The following DPEP1 variants were observed in gnomAD, a reference collection of about 807,000 sequenced individuals.
DPEP1 encodes dipeptidase 1.
Under a neutral mutation model 42.3 loss-of-function variants are expected in DPEP1, and 50 were observed. That is an observed-to-expected ratio of 1.18 (90% CI 0.94 to 1.50). DPEP1 has a LOEUF of 1.50. DPEP1 is among the 40% of genes most tolerant of loss of function. The pLI, the probability that DPEP1 is intolerant of heterozygous loss-of-function variation, is 0.00. For missense variants in DPEP1, 663 were observed against 553.0 expected (o/e 1.20, Z -1.99); for synonymous variants, 297 against 234.0 (o/e 1.27, Z -2.46).
Position 89,630,342 on chromosome 16 carries a change from G to C in DPEP1, c.-69G>C, listed in dbSNP as rs945663324. ...CTCACAGCCTGAAGCTCATCCTTCT[G>C]CACGGGCCAGCCAGGCCAGCACAGA... is the stretch of plus-strand genomic sequence containing the variant. On this transcript the variant is annotated 5_prime_UTR_variant, in exon 2 of 11. Coordinates refer to ENST00000690203, the MANE Select transcript of DPEP1 (RefSeq NM_001389466.1). 77 of 1,349,090 alleles carry C rather than the reference G, an allele frequency of 5.7e-5. 1 individual carries two copies. The Middle Eastern group carries it at 4.0e-3, about 71-fold the overall frequency. The allele number at this position is 1,349,090 out of a possible 1,614,324, so 83.6% of individuals were successfully genotyped here.
chr16:89,628,927 A>G (rs1218556327), intron 1 of DPEP1, among the ~76,000 whole-genome samples: 1 of 151,614 alleles, frequency 6.6e-6, no homozygotes, highest in Non-Finnish European at 1.5e-5. Flanking sequence ...CCCGGGTTCA[A>G]GTGATTCTCC....
intron 1 of DPEP1, among the ~76,000 whole-genome samples, chr16:89,614,765 A>C (rs1402276090): frequency 6.6e-6 from 1 of 152,242 alleles, no homozygotes; most frequent in Non-Finnish European, 1.5e-5. Flanking sequence ...ACTGCACTCC[A>C]GCCTGAGTGA....
chr16:89,614,608 C>A (rs960810007), intron 1 of DPEP1, among the ~76,000 whole-genome samples: 12 of 152,072 alleles, frequency 7.9e-5, no homozygotes, highest in Non-Finnish European at 1.5e-4. Context: ...TCCTGGCTAA[C>A]ACGGTGAAAC....
chr16:89,638,073 C>G lies in DPEP1; in HGVS notation c.1087C>G (p.Pro363Ala). ...VEQASNLTQA[P>A]EEEPIPLDQL... The stretch of plus-strand genomic sequence containing the variant: ...CCAGGCCAGCAACCTCACACAGGCT[C>G]CCGAGGAGGAGCCCATCCCGCTGGA... Residue 363 changes from proline (P) to alanine (A), a missense_variant, in exon 11 of 11, where the codon CCC becomes GCC. Physicochemically the swap from Pro to Ala is conservative, Grantham distance 27 (BLOSUM62 -1). Coordinates refer to ENST00000690203, the MANE Select transcript of DPEP1 (RefSeq NM_001389466.1). 1 of 1,612,270 alleles carries G rather than the reference C, an allele frequency of 6.2e-7. No individual in the cohort carries two copies. The highest frequency in any genetic ancestry group is 2.2e-5 in the East Asian group (1 of 44,878).
Position 89,637,666 on chromosome 16 carries a change from C to T in DPEP1, c.888C>T (p.Ala296=). 6.2e-7 allele frequency: 1 copy of T among 1,613,050 alleles called. No individual in the cohort carries two copies. The change falls in exon 9 of 11, where the codon GCC becomes GCT. Residue 296 remains alanine, a synonymous_variant. Coordinates refer to ENST00000690203, the MANE Select transcript of DPEP1 (RefSeq NM_001389466.1). ...HLDHIKEVAG[A]RAVGFGGDFD... ...ATCACATCAAGGAGGTGGCAGGAGC[C>T]AGAGCCGTGGGTTTTGGTGGGGACT...
At chr16:89,636,456 G>A in intron 4 of DPEP1, 60 bp downstream of exon 4, 3 of 1,596,040 alleles carry the variant, frequency 1.9e-6, no homozygotes, top group South Asian at 2.3e-5. Context: ...CTCATCCTGA[G>A]CAGCAGGTGC....
At chr16:89,625,394 C>T (rs2059496811) in intron 1 of DPEP1, among the ~76,000 whole-genome samples, 1 of 152,188 alleles carries the variant, frequency 6.6e-6, no homozygotes, top group Non-Finnish European at 1.5e-5. Context: ...TCATTACCTC[C>T]AGAACTGCAC....
At position 89,618,940 on chromosome 16, in the gene DPEP1, G is replaced by GC. The variant is rs1322049726; in HGVS notation, c.-107+5227dup. 1.9e-3 allele frequency among the ~76,000 whole-genome samples: 74 copies of GC among 38,336 alleles called. 7 individuals are homozygous for GC. In the East Asian group the frequency reaches 0.026, roughly 14 times the overall value. The allele number at this position is 38,336 out of a possible 152,430, so 25.1% of individuals were successfully genotyped here. On this transcript the variant is annotated intron_variant, in intron 1 of 10. Coordinates refer to ENST00000690203, the MANE Select transcript of DPEP1 (RefSeq NM_001389466.1). ...CCCTGCTCCCTCCCTGCAGCTCCCT[G>GC]CCCCCCTGCTCCCCTCCCTGCAGCC...
At chr16:89,618,978 C>CT (rs1224828710) in intron 1 of DPEP1, among the ~76,000 whole-genome samples, 3 of 18,932 alleles carry the variant, frequency 1.6e-4, no homozygotes, top group Admixed American at 5.8e-4. Context: ...CCTGCCCCCC[C>CT]GCTCCCCTCC....
At chr16:89,613,797 C>G (rs903695024) in intron 1 of DPEP1, 78 bp downstream of exon 1, 2 of 159,014 alleles carry the variant, frequency 1.3e-5, no homozygotes, top group Admixed American at 6.5e-5. Context: ...GACCCCAGGG[C>G]ACCACTGTGG....
At chr16:89,618,600 C>G (rs907849327) in intron 1 of DPEP1, among the ~76,000 whole-genome samples, 1 of 152,018 alleles carries the variant, frequency 6.6e-6, no homozygotes, top group African/African-American at 2.4e-5. Context: ...AGCTCCGAGG[C>G]TCAACAACCT....
chr16:89,636,183 G>C, intron 3 of DPEP1, 81 bp from the exon 4 acceptor site: 2 of 1,556,622 alleles, frequency 1.3e-6, no homozygotes, highest in Non-Finnish European at 1.7e-6. Flanking sequence ...CCAGCGGGTG[G>C]GAAACCAGAC....
In DPEP1 at chr16:89,637,945, C is replaced by T; in HGVS notation, c.1039C>T (p.Leu347=). 6.2e-7 allele frequency: 1 copy of T among 1,610,364 alleles called. No homozygotes were observed. The highest frequency in any genetic ancestry group is 2.2e-5 in the East Asian group (1 of 44,762). ...CAAGGGCGCACTGGCTGACAACCTG[C>T]TGAGGGTCTTCGAGGCTGTGGAACA... ...EVKGALADNL[L]RVFEAVEQAS... The change falls in exon 10 of 11, where the codon CTG becomes TTG. Residue 347 remains leucine (L), a synonymous_variant. Transcript: ENST00000690203.
chr16:89,629,912 A>G (rs1297383300), intron 1 of DPEP1, among the ~76,000 whole-genome samples: 1 of 152,142 alleles, frequency 6.6e-6, no homozygotes, highest in Non-Finnish European at 1.5e-5. Flanking sequence ...ACGTAAGATG[A>G]TTTTTACGTG....
At chr16:89,631,712 C>T (rs2059591315) in intron 2 of DPEP1, among the ~76,000 whole-genome samples, 1 of 152,104 alleles carries the variant, frequency 6.6e-6, no homozygotes, top group Non-Finnish European at 1.5e-5. Flanking sequence ...AAAAAATTAG[C>T]CAGGCATGGT....
chr16:89,637,976 G>C lies in DPEP1; in HGVS notation c.1065+5G>C. ...GTCTTCGAGGCTGTGGAACAGGTGA[G>C]GATGGGGTGGCCACCTGAGTCTCCC... On this transcript the variant is annotated splice_donor_5th_base_variant and intron_variant, in intron 10 of 10. Transcript: ENST00000690203. 6.2e-7 allele frequency: 1 copy of C among 1,607,684 alleles called. No individual in the cohort carries two copies. The highest frequency in any genetic ancestry group is 8.5e-7 in the Non-Finnish European group (1 of 1,177,790).
intron 1 of DPEP1, among the ~76,000 whole-genome samples, chr16:89,624,095 AAGAC>A (rs1209167375): frequency 1.3e-5 from 2 of 152,038 alleles, no homozygotes; most frequent in East Asian, 1.9e-4. Context: ...GGGCAGAATA[AAGAC>A]AGACAGGAGG....
chr16:89,623,961 C>T (rs1474999458), intron 1 of DPEP1, among the ~76,000 whole-genome samples: 1 of 152,142 alleles, frequency 6.6e-6, no homozygotes, highest in East Asian at 1.9e-4. Flanking sequence ...CTGGAGGGAA[C>T]AGCGGTTGCC....
chr16:89,637,039 C>G, intron 6 of DPEP1, 104 bp downstream of exon 6: 2 of 1,541,564 alleles, frequency 1.3e-6, no homozygotes, highest in East Asian at 2.3e-5. Flanking sequence ...GTGTCCTTGT[C>G]TGTAAAATGG....
Sources: allele counts gnomAD v4.1 joint callset (sites outside exome capture counted in the v4.1 genomes callset), GRCh38; gene constraint gnomAD v4.1.1; transcripts MANE v1.5; gene names NCBI Gene and HGNC (gene_info 2026-07-23, HGNC 2026-07-21).